GPC3: variants seen among roughly 807,000 people sequenced by gnomAD.
GPC3 encodes glypican 3.
GPC3 carries 3 observed loss-of-function variants against 34.4 expected under a neutral mutation model. The observed-to-expected ratio is 0.09, with a 90% CI of 0.04 to 0.23. The LOEUF is 0.23. Among genes scored for constraint, GPC3 ranks in the 10% least tolerant of loss-of-function variants. The pLI is 1.00. For missense variants in GPC3, 351 were observed against 445.6 expected, an observed-to-expected ratio of 0.79 and a Z score of 1.91; for synonymous variants, 177 against 174.0, an observed-to-expected ratio of 1.02 and a Z score of -0.13.
intron 2 of GPC3, among the ~76,000 whole-genome samples, chrX:133,777,965 T>C (rs1201875269): frequency 8.9e-6 from 1 of 111,968 alleles, no homozygotes; most frequent in Non-Finnish European, 1.9e-5. Flanking sequence ...CTGGAAGAAA[T>C]ATGTTAGAAC....
chrX:133,744,932 T>C (rs989216387), intron 3 of GPC3, among the ~76,000 whole-genome samples: 7 of 110,347 alleles, frequency 6.3e-5, no homozygotes, highest in Admixed American at 9.6e-5. Context: ...AAACACCATA[T>C]GTTCTCATTC....
At chrX:133,683,090 C>T (rs2070962222) in intron 5 of GPC3, among the ~76,000 whole-genome samples, 1 of 110,915 alleles carries the variant, frequency 9.0e-6, no homozygotes, top group Non-Finnish European at 1.9e-5. Context: ...CCTCAGCCTG[C>T]ACCACCGATA....
At chrX:133,787,450 T>C (rs1404027642) in intron 2 of GPC3, among the ~76,000 whole-genome samples, 2 of 112,416 alleles carry the variant, frequency 1.8e-5, no homozygotes, top group African/African-American at 6.5e-5. Flanking sequence ...TTACTTCTTC[T>C]AGCAATCAGG....
chrX:133,742,708 A>G (rs1365074131), intron 3 of GPC3, among the ~76,000 whole-genome samples: 1 of 111,969 alleles, frequency 8.9e-6, no homozygotes, highest in African/African-American at 3.2e-5. Flanking sequence ...GATGGGCTCT[A>G]TTTGTGGCTG....
rs748609813 is a variant in GPC3 at position 133,601,038 on chromosome X, C to T, written c.1414-4439G>A. ...TAGACATTCTGTTAACCTGACACTT[C>T]TGCTGTGCATTACTTTGAATACAGA... On this transcript the variant is annotated intron_variant, in intron 6 of 7. Transcript: ENST00000370818. 1.1e-4 allele frequency among the ~76,000 whole-genome samples: 12 copies of T among 111,789 alleles called. No homozygotes were observed. The East Asian group carries it at 3.4e-3, about 31-fold the overall frequency.
intron 3 of GPC3, among the ~76,000 whole-genome samples, chrX:133,705,809 A>G (rs2071210737): frequency 8.9e-6 from 1 of 112,521 alleles, no homozygotes; most frequent in Non-Finnish European, 1.9e-5. Context: ...CTGACATTCA[A>G]TTTTAACCTA....
chrX:133,820,327 C>T (rs1419077667), intron 2 of GPC3, among the ~76,000 whole-genome samples: 1 of 112,293 alleles, frequency 8.9e-6, no homozygotes, highest in Non-Finnish European at 1.9e-5. Context: ...GCTGCTAATG[C>T]ATTTTTTCTT....
chrX:133,660,408 T>A (rs1171485311), intron 6 of GPC3, among the ~76,000 whole-genome samples: 5 of 112,468 alleles, frequency 4.4e-5, no homozygotes, highest in Admixed American at 9.4e-5. Context: ...CTCTGGTATA[T>A]GCCTTTTTGG....
At chrX:133,751,074 A>AAAATAAATAAATAAAT (rs60283835) in intron 3 of GPC3, among the ~76,000 whole-genome samples, 5 of 88,587 alleles carry the variant, frequency 5.6e-5, no homozygotes, top group Non-Finnish European at 1.1e-4. Context: ...CTCTGTCTCA[A>AAAATAAATAAATAAAT]AAATAAATAA....
At chrX:133,746,597 G>T (rs2071615069) in intron 3 of GPC3, among the ~76,000 whole-genome samples, 1 of 112,343 alleles carries the variant, frequency 8.9e-6, no homozygotes, top group African/African-American at 3.2e-5. Flanking sequence ...GGAAATCACT[G>T]AAGCTATTTT....
chrX:133,748,598 A>T (rs1214310907), intron 3 of GPC3, among the ~76,000 whole-genome samples: 1 of 109,336 alleles, frequency 9.1e-6, no homozygotes, highest in Admixed American at 9.8e-5. Flanking sequence ...ACACACATAC[A>T]TTCTCACACA....
chrX:133,788,122 ATG>A (rs1415023922), intron 2 of GPC3, among the ~76,000 whole-genome samples: 79 of 74,215 alleles, frequency 1.1e-3, no homozygotes, highest in African/African-American at 3.9e-3. Flanking sequence ...ATATATATAT[ATG>A]TATGTATATA....
At chrX:133,728,279 G>T (rs2071430296) in intron 3 of GPC3, among the ~76,000 whole-genome samples, 1 of 111,370 alleles carries the variant, frequency 9.0e-6, no homozygotes, top group Admixed American at 9.6e-5. Flanking sequence ...CCCTGTAGCA[G>T]GTTTTCCCTT....
chrX:133,585,960 AT>A (rs1443618918), intron 7 of GPC3, among the ~76,000 whole-genome samples: 1 of 112,025 alleles, frequency 8.9e-6, no homozygotes, highest in Non-Finnish European at 1.9e-5. Flanking sequence ...TACTTACTCA[AT>A]TCTTAGAGTT....
chrX:133,654,612 T>C (rs771703404), intron 6 of GPC3, among the ~76,000 whole-genome samples: 1 of 109,661 alleles, frequency 9.1e-6, no homozygotes, highest in Admixed American at 9.7e-5. Flanking sequence ...CTCGGGAGGC[T>C]GAGGCAGGAG....
intron 7 of GPC3, among the ~76,000 whole-genome samples, chrX:133,586,558 C>T (rs1176399154): frequency 2.7e-5 from 3 of 111,682 alleles, no homozygotes; most frequent in Admixed American, 9.5e-5. Context: ...CTTCCCAACT[C>T]GTTGTCCACC....
chrX:133,547,523 G>C (rs2069396806), intron 7 of GPC3, among the ~76,000 whole-genome samples: 1 of 111,296 alleles, frequency 9.0e-6, no homozygotes, highest in Non-Finnish European at 1.9e-5. Flanking sequence ...GTCAAGTTAA[G>C]TTGTGCAAAA....
At chrX:133,768,294 T>C (rs2071872646) in intron 2 of GPC3, among the ~76,000 whole-genome samples, 1 of 111,904 alleles carries the variant, frequency 8.9e-6, no homozygotes, top group East Asian at 2.8e-4. Flanking sequence ...TAAGTAAAGA[T>C]TGACTCCATG....
chrX:133,914,944 AAT>A (rs35086661), intron 2 of GPC3, among the ~76,000 whole-genome samples: 5,619 of 49,794 alleles, frequency 0.11, 260 homozygotes, highest in Non-Finnish European at 0.12. Context: ...TCAAACTGGA[AAT>A]ATATATATAT....
Sources: allele counts gnomAD v4.1 joint callset (sites outside exome capture counted in the v4.1 genomes callset), GRCh38; gene constraint gnomAD v4.1.1; transcripts MANE v1.5; gene names NCBI Gene and HGNC (gene_info 2026-07-23, HGNC 2026-07-21).